ARHGEF10L: variants seen among roughly 807,000 people sequenced by gnomAD.
The protein encoded by ARHGEF10L is Rho guanine nucleotide exchange factor 10 like, also known as rho guanine nucleotide exchange factor 10-like protein.
In ARHGEF10L, 69 loss-of-function variants were observed where a neutral mutation model predicts 141.2. That is an observed-to-expected ratio of 0.49 (90% CI 0.40 to 0.60). ARHGEF10L has a LOEUF of 0.60. ARHGEF10L is among the 20% of genes least tolerant of loss of function. The probability of loss-of-function intolerance (pLI) is 0.00; values close to 1 mark genes in which losing one functional copy is unlikely to be tolerated. For missense variants in ARHGEF10L, 1,482 were observed against 1,734.3 expected (o/e 0.85, Z 2.58); for synonymous variants, 711 against 718.5 (o/e 0.99, Z 0.17).
rs1011796983 is a variant in ARHGEF10L, at chr1:17,690,043, A to C, written c.3184+2296A>C. 8 of 356,640 alleles carry C rather than the reference A, an allele frequency of 2.2e-5. No individual in the cohort carries two copies. In the East Asian group the frequency reaches 3.0e-4, roughly 13 times the overall value. The allele number at this position is 356,640 out of a possible 1,614,324, so 22.1% of individuals were successfully genotyped here. A position where few individuals can be genotyped will look rare whatever the true frequency, so the allele number is the denominator to read the frequency against. On this transcript the variant is annotated intron_variant, in intron 27 of 28. Transcript: ENST00000361221. ...TGATGATGATTTGAGGGCCAGGTAAACTGGGGCTCAGGAGGTGAAATGACT... is the reference window on the plus strand; with the variant it reads ...TGATGATGATTTGAGGGCCAGGTAACCTGGGGCTCAGGAGGTGAAATGACT...
upstream of ARHGEF10L, among the ~76,000 whole-genome samples, chr1:17,536,389 G>T (rs533151600): frequency 3.9e-5 from 6 of 152,096 alleles, no homozygotes; most frequent in Non-Finnish European, 8.8e-5. Flanking sequence ...TGGTAGGGGG[G>T]TCACTTAAGC....
intron 27 of ARHGEF10L, chr1:17,689,823 G>A (rs764387948): frequency 3.7e-5 from 17 of 455,862 alleles, no homozygotes; most frequent in South Asian, 7.7e-5. Context: ...TCTTGTCTGC[G>A]CAGAGGAGAG....
intron 25 of ARHGEF10L, among the ~76,000 whole-genome samples, chr1:17,659,380 G>A (rs903789952): frequency 6.6e-6 from 1 of 152,180 alleles, no homozygotes; most frequent in African/African-American, 2.4e-5. Flanking sequence ...CATGGTATGT[G>A]GTGGGCAGGA....
In ARHGEF10L at chr1:17,594,424, A is replaced by C. The variant is rs541519323; in HGVS notation, c.257+5945A>C. Among the ~76,000 whole-genome samples the C allele has an allele frequency of 1.6e-4, 25 of 152,128 alleles. No individual in the cohort carries two copies. The South Asian group carries it at 4.6e-3, about 28-fold the overall frequency. On this transcript the variant is annotated intron_variant, in intron 4 of 28. Transcript: ENST00000361221. ...CTGGTTTGGATCCCGCCTGCCCTAC[A>C]TGTTAGCTGCATGACCCAGGACATG...
chr1:17,664,577 C>T lies in ARHGEF10L; in HGVS notation c.2991C>T (p.Ala997=). 1 of 1,598,578 alleles carries T rather than the reference C, an allele frequency of 6.3e-7. No homozygotes were observed. Among genetic ancestry groups the T allele is most frequent in the Non-Finnish European group, 8.5e-7 (1 of 1,175,132 alleles). The change falls in exon 26 of 29, where the codon GCC becomes GCT. Residue 997 remains alanine (A), a synonymous_variant. Transcript: ENST00000361221. The stretch of plus-strand genomic sequence containing the variant: ...GGCCCCGGGTCACTGTCCTGGAAGC[C>T]ACCACCCTGCAGCCTCAGGTACTGC... ...SCGPRVTVLE[A]TTLQPQQSFE...
At chr1:17,557,366 C>A (rs948805602) in intron 1 of ARHGEF10L, among the ~76,000 whole-genome samples, 22 of 149,258 alleles carry the variant, frequency 1.5e-4, no homozygotes, top group East Asian at 5.9e-4. Flanking sequence ...CAAAAAAAAC[C>A]AAAAAAAACA....
chr1:17,584,005 C>A (rs2078810164), intron 2 of ARHGEF10L, among the ~76,000 whole-genome samples: 1 of 152,074 alleles, frequency 6.6e-6, no homozygotes, highest in Non-Finnish European at 1.5e-5. Flanking sequence ...GCACATACCA[C>A]CACACCCAGC....
At position 17,623,185 on chromosome 1, in the gene ARHGEF10L, C is replaced by G; in HGVS notation, c.1200+10C>G. Reference sequence around the variant, plus strand: ...CCTCTTCGTGGCCTCGGTAAGTGTCCCCAAACTTTTTCCCCAGCCCACCAA... The same window carrying G: ...CCTCTTCGTGGCCTCGGTAAGTGTCGCCAAACTTTTTCCCCAGCCCACCAA... On this transcript the variant is annotated intron_variant, in intron 12 of 28. Transcript: ENST00000361221. The surrounding 1 kb of genome is among the most constrained non-coding windows in gnomAD (Gnocchi z 4.7). 2.5e-6 allele frequency: 4 copies of G among 1,609,510 alleles called. No individual in the cohort carries two copies. Among genetic ancestry groups the G allele is most frequent in the Non-Finnish European group, 3.4e-6 (4 of 1,177,910 alleles).
At position 17,580,633 on chromosome 1, in the gene ARHGEF10L, G is replaced by A. The variant is rs758767148; in HGVS notation, c.37+1G>A. 6.2e-7 allele frequency: 1 copy of A among 1,614,220 alleles called. No homozygotes were observed. The highest frequency in any genetic ancestry group is 1.7e-5 in the Admixed American group (1 of 60,034). ...AACCCTCCTCCACAGCCTGCCATAG[G>A]TACCGTACCCAGGGCTTCCTGTCCC... On this transcript the variant is annotated splice_donor_variant, in intron 2 of 28. Transcript: ENST00000361221. LOFTEE classifies it high-confidence loss of function.
At chr1:17,568,988 G>T (rs904270497) in intron 1 of ARHGEF10L, among the ~76,000 whole-genome samples, 1 of 152,204 alleles carries the variant, frequency 6.6e-6, no homozygotes, top group Admixed American at 6.5e-5. Flanking sequence ...AAGGGAGTGG[G>T]ATGGACCCAT....
At chr1:17,669,683 A>G (rs1186644365) in intron 26 of ARHGEF10L, among the ~76,000 whole-genome samples, 1 of 152,150 alleles carries the variant, frequency 6.6e-6, no homozygotes, top group African/African-American at 2.4e-5. Flanking sequence ...TCTTGTTTCC[A>G]TGAGCACGCC....
At chr1:17,524,185 A>G in the ARHGEF10L span, among the ~76,000 whole-genome samples, 1 of 152,054 alleles carries the variant, frequency 6.6e-6, no homozygotes, top group Non-Finnish European at 1.5e-5. Context: ...AGGCAGGACA[A>G]TTGCTTGAAC....
intron 5 of ARHGEF10L, among the ~76,000 whole-genome samples, chr1:17,602,605 C>G (rs781151415): frequency 6.6e-6 from 1 of 152,068 alleles, no homozygotes; most frequent in Non-Finnish European, 1.5e-5. Context: ...GGGTCCCAGA[C>G]AGAGGGGCCA....
chr1:17,525,848 C>T, the ARHGEF10L span, among the ~76,000 whole-genome samples: 4 of 151,424 alleles, frequency 2.6e-5, no homozygotes, highest in South Asian at 8.4e-4. Flanking sequence ...GCTAAAAATA[C>T]AAAAATTAGC....
chr1:17,613,030 C>T (rs763356113), intron 7 of ARHGEF10L, 28 bp from the exon 8 acceptor site: 2 of 1,536,060 alleles, frequency 1.3e-6, no homozygotes, highest in Non-Finnish European at 1.8e-6. Flanking sequence ...CACCTGCTTT[C>T]CTTCTGCCTG....
In ARHGEF10L at chr1:17,571,496, G is replaced by A. The variant is rs573769331; in HGVS notation, c.-43-9057G>A. Among the ~76,000 whole-genome samples the A allele has an allele frequency of 2.6e-5, 4 of 152,160 alleles. No individual in the cohort carries two copies. The East Asian group carries it at 7.7e-4, about 29-fold the overall frequency. Reference sequence around the variant, plus strand: ...TGGGGTAGTGGGTGGAGAGGGTATGGGATCAGATGAGCAGTAATGCAGCGT... The same window carrying A: ...TGGGGTAGTGGGTGGAGAGGGTATGAGATCAGATGAGCAGTAATGCAGCGT... On this transcript the variant is annotated intron_variant, in intron 1 of 28. Transcript: ENST00000361221.
At chr1:17,564,434 C>T (rs1183299647) in intron 1 of ARHGEF10L, among the ~76,000 whole-genome samples, 1 of 152,348 alleles carries the variant, frequency 6.6e-6, no homozygotes, top group East Asian at 1.9e-4. Flanking sequence ...TCCTGATGTG[C>T]TGTCCCACTG....
At chr1:17,532,193 C>T in the ARHGEF10L span, among the ~76,000 whole-genome samples, 1 of 152,216 alleles carries the variant, frequency 6.6e-6, no homozygotes, top group Admixed American at 6.5e-5. Context: ...CACATCCCCT[C>T]TATCTTCATG....
intron 1 of ARHGEF10L, among the ~76,000 whole-genome samples, chr1:17,559,817 G>C (rs892082306): frequency 3.3e-5 from 5 of 152,092 alleles, no homozygotes; most frequent in Admixed American, 2.0e-4. Context: ...CAGGAGTGCT[G>C]GGGAGGGTGA....
Sources: allele counts gnomAD v4.1 joint callset (sites outside exome capture counted in the v4.1 genomes callset), GRCh38; gene constraint gnomAD v4.1.1; non-coding constraint Gnocchi (gnomAD v3.1); transcripts MANE v1.5; gene names NCBI Gene and HGNC (gene_info 2026-07-23, HGNC 2026-07-21).